Variants in NPAS3 observed in about 807,000 individuals in gnomAD.
NPAS3 encodes the protein neuronal PAS domain-containing protein 3.
NPAS3 carries 14 observed loss-of-function variants against 73.1 expected under a neutral mutation model. That is an observed-to-expected ratio of 0.19 (90% CI 0.13 to 0.30). The LOEUF (loss-of-function observed/expected upper bound fraction) is 0.30, where lower values mean the gene tolerates loss of function less well. Among genes scored for constraint, NPAS3 ranks in the 10% least tolerant of loss-of-function variants. The pLI, the probability that NPAS3 is intolerant of heterozygous loss-of-function variation, is 1.00. For synonymous variants in NPAS3, 620 were observed against 541.5 expected, an observed-to-expected ratio of 1.14 and a Z score of -2.01; for missense variants, 1,096 against 1,250.0, an observed-to-expected ratio of 0.88 and a Z score of 1.86.
At chr14:33,313,831 C>A (rs532293320) in intron 3 of NPAS3, among the ~76,000 whole-genome samples, 2 of 152,058 alleles carry the variant, frequency 1.3e-5, no homozygotes, top group East Asian at 3.9e-4. Context: ...TCTCTATAAT[C>A]GTGACATATT....
chr14:33,250,823 C>T (rs1306235324), intron 3 of NPAS3, among the ~76,000 whole-genome samples: 1 of 151,836 alleles, frequency 6.6e-6, no homozygotes, highest in Non-Finnish European at 1.5e-5. Flanking sequence ...TTATTTTTTC[C>T]TCTCCAAAAA....
intron 9 of NPAS3, among the ~76,000 whole-genome samples, chr14:33,788,549 G>A (rs893099355): frequency 2.6e-5 from 4 of 152,180 alleles, no homozygotes; most frequent in African/African-American, 9.7e-5. Context: ...GAATTAGACT[G>A]CTTCCTTCTT....
At chr14:33,629,975 T>G (rs548117953) in intron 5 of NPAS3, among the ~76,000 whole-genome samples, 39 of 152,326 alleles carry the variant, frequency 2.6e-4, no homozygotes, top group African/African-American at 9.1e-4. Context: ...TTAGAATTCT[T>G]CACATCCACA....
intron 3 of NPAS3, among the ~76,000 whole-genome samples, chr14:33,259,375 A>G (rs1796745664): frequency 6.6e-6 from 1 of 152,184 alleles, no homozygotes; most frequent in South Asian, 2.1e-4. Context: ...GATGATTCAC[A>G]AACTAAACTA....
intron 1 of NPAS3, among the ~76,000 whole-genome samples, chr14:32,999,132 G>C (rs1202640040): frequency 6.6e-6 from 1 of 152,142 alleles, no homozygotes; most frequent in East Asian, 1.9e-4. Flanking sequence ...GCTGTTGATT[G>C]TGGTAAAAAA....
chr14:33,171,739 A>G (rs2045397304), intron 2 of NPAS3, among the ~76,000 whole-genome samples: 1 of 152,234 alleles, frequency 6.6e-6, no homozygotes, highest in Non-Finnish European at 1.5e-5. Flanking sequence ...ATTTCTTAAA[A>G]GAACTTTTCC....
At chr14:33,660,959 G>T (rs1345908676) in intron 5 of NPAS3, among the ~76,000 whole-genome samples, 1 of 152,076 alleles carries the variant, frequency 6.6e-6, no homozygotes, top group East Asian at 1.9e-4. Context: ...CTTTTTAGCT[G>T]ATATGTGTTA....
intron 3 of NPAS3, among the ~76,000 whole-genome samples, chr14:33,224,705 A>G (rs1172971455): frequency 1.3e-5 from 2 of 151,996 alleles, no homozygotes; most frequent in Non-Finnish European, 2.9e-5. Context: ...TTCCCCATTT[A>G]CATTATATGT....
At chr14:33,680,979 A>C (rs953211813) in intron 6 of NPAS3, 1 of 232,876 alleles carries the variant, frequency 4.3e-6, no homozygotes. Flanking sequence ...AATGTTTTTA[A>C]GGCCAGCAAA....
At chr14:33,290,400 G>C (rs1233216397) in intron 3 of NPAS3, among the ~76,000 whole-genome samples, 2 of 152,206 alleles carry the variant, frequency 1.3e-5, no homozygotes, top group Non-Finnish European at 2.9e-5. Flanking sequence ...GCAGTATATA[G>C]AATCTTCGAG....
At chr14:33,496,394 A>T (rs1304735888) in intron 4 of NPAS3, among the ~76,000 whole-genome samples, 1 of 152,126 alleles carries the variant, frequency 6.6e-6, no homozygotes, top group East Asian at 1.9e-4. Flanking sequence ...AGACACAACA[A>T]AAAAAGAAAA....
intron 5 of NPAS3, among the ~76,000 whole-genome samples, chr14:33,633,920 A>G (rs148435250): frequency 6.6e-6 from 1 of 152,264 alleles, no homozygotes; most frequent in South Asian, 2.1e-4. Flanking sequence ...TCGAGGCTGC[A>G]TTGAGCTGTG....
intron 5 of NPAS3, among the ~76,000 whole-genome samples, chr14:33,640,293 C>T (rs1183414099): frequency 6.6e-6 from 1 of 152,142 alleles, no homozygotes; most frequent in African/African-American, 2.4e-5. Context: ...GAACCCATCT[C>T]TCAGGCAAAT....
intron 3 of NPAS3, among the ~76,000 whole-genome samples, chr14:33,280,095 G>T (rs17100525): frequency 0.025 from 3,872 of 152,224 alleles, 139 homozygotes; most frequent in African/African-American, 0.079. Flanking sequence ...GAGTTCTGGC[G>T]GAGAGTCTCA....
At chr14:33,741,888 G>A (rs1227394381) in intron 7 of NPAS3, among the ~76,000 whole-genome samples, 1 of 152,110 alleles carries the variant, frequency 6.6e-6, no homozygotes, top group Non-Finnish European at 1.5e-5. Flanking sequence ...TCAGTTTTCT[G>A]AGCCTTTGCT....
At chr14:33,565,942 C>A (rs1440376063) in intron 5 of NPAS3, among the ~76,000 whole-genome samples, 1 of 138,332 alleles carries the variant, frequency 7.2e-6, no homozygotes, top group East Asian at 1.9e-4. Context: ...TTGTGACCAC[C>A]CCCCTGCCAC....
chr14:33,132,567 A>AT (rs1410435317), intron 2 of NPAS3, among the ~76,000 whole-genome samples: 1 of 152,116 alleles, frequency 6.6e-6, no homozygotes, highest in Non-Finnish European at 1.5e-5. Flanking sequence ...CTGTGGGACT[A>AT]TAAGCACGTA....
At chr14:32,980,289 T>C (rs2037844721) in intron 1 of NPAS3, among the ~76,000 whole-genome samples, 1 of 152,216 alleles carries the variant, frequency 6.6e-6, no homozygotes, top group Non-Finnish European at 1.5e-5. Flanking sequence ...GGCTCTCTTA[T>C]TTTGGTCGGT....
intron 3 of NPAS3, among the ~76,000 whole-genome samples, chr14:33,356,277 G>C (rs1389908488): frequency 2.0e-5 from 3 of 152,180 alleles, no homozygotes; most frequent in Non-Finnish European, 2.9e-5. Context: ...CAGAATTCTG[G>C]TTCAGTTATT....
Sources: allele counts gnomAD v4.1 joint callset (sites outside exome capture counted in the v4.1 genomes callset), GRCh38; gene constraint gnomAD v4.1.1; transcripts MANE v1.5; gene names NCBI Gene and HGNC (gene_info 2026-07-23, HGNC 2026-07-21).